CNKSR3: variants seen among roughly 807,000 people sequenced by gnomAD.
The protein encoded by CNKSR3 is CNKSR family member 3, also known as connector enhancer of kinase suppressor of ras 3.
CNKSR3 carries 36 observed loss-of-function variants against 67.7 expected under a neutral mutation model. The ratio of observed to expected loss-of-function variants is 0.53; its 90% CI spans 0.41 to 0.70. CNKSR3 has a LOEUF of 0.70. Ranked by LOEUF, CNKSR3 falls within the 30% of genes least tolerant of loss-of-function variation. CNKSR3 has a pLI of 0.00. For missense variants in CNKSR3, 630 were observed against 695.2 expected (o/e 0.91, Z 1.05); for synonymous variants, 281 against 271.4 (o/e 1.04, Z -0.35).
chr6:154,442,028 C>A (rs1273973520), intron 3 of CNKSR3, 60 bp downstream of exon 3: 9 of 1,432,398 alleles, frequency 6.3e-6, no homozygotes, highest in Non-Finnish European at 8.5e-6. Flanking sequence ...AGTACAGCTT[C>A]CATGCAGCTT....
Position 154,410,398 on chromosome 6 carries a change from C to G in CNKSR3, c.1314G>C (p.Gly438=). ...KPRPLSMPAD[G]NWMGIVDPFA... The stretch of plus-strand genomic sequence containing the variant: ...AAGGGTCCACAATCCCCATCCAGTT[C>G]CCATCAGCAGGCATGGACAAAGGCC... The change falls in exon 12 of 13, where the codon GGG becomes GGC. Residue 438 remains glycine (G), a synonymous_variant. Transcript: ENST00000607772. The G allele has an allele frequency of 1.9e-6, 3 of 1,614,062 alleles. No individual in the cohort carries two copies. Among genetic ancestry groups the G allele is most frequent in the Non-Finnish European group, 2.5e-6 (3 of 1,179,952 alleles).
chr6:154,419,977 G>C (rs1210621235), intron 9 of CNKSR3, among the ~76,000 whole-genome samples: 2 of 152,090 alleles, frequency 1.3e-5, no homozygotes, highest in Non-Finnish European at 2.9e-5. Context: ...CTACTCAGAG[G>C]AGGCTGAGAC....
intron 4 of CNKSR3, among the ~76,000 whole-genome samples, chr6:154,439,580 G>A (rs998615745): frequency 4.6e-5 from 7 of 152,226 alleles, no homozygotes; most frequent in Middle Eastern, 3.4e-3. Flanking sequence ...TTAATTGATC[G>A]CTAGTAAACT....
intron 1 of CNKSR3, among the ~76,000 whole-genome samples, chr6:154,460,216 TA>T (rs1786050043): frequency 6.6e-6 from 1 of 152,228 alleles, no homozygotes; most frequent in African/African-American, 2.4e-5. Context: ...ATGCAAATCT[TA>T]AGTCAACTGA....
At chr6:154,407,378 G>C (rs1004908013) in intron 12 of CNKSR3, among the ~76,000 whole-genome samples, 1 of 152,298 alleles carries the variant, frequency 6.6e-6, no homozygotes, top group Admixed American at 6.5e-5. Flanking sequence ...TTAAGAAACT[G>C]AATAGAAACT....
At chr6:154,506,825 C>T (rs1248636839) in intron 1 of CNKSR3, among the ~76,000 whole-genome samples, 2 of 152,240 alleles carry the variant, frequency 1.3e-5, no homozygotes, top group African/African-American at 4.8e-5. Flanking sequence ...AACTTTCTGA[C>T]ATGAACTAAA....
chr6:154,451,425 C>T (rs554293455), intron 1 of CNKSR3, among the ~76,000 whole-genome samples: 2 of 152,248 alleles, frequency 1.3e-5, no homozygotes, highest in Non-Finnish European at 2.9e-5. Context: ...CTCAATTTAA[C>T]GGGAAAAGTA....
At chr6:154,423,446 T>C (rs1025421949) in intron 7 of CNKSR3, among the ~76,000 whole-genome samples, 6 of 152,172 alleles carry the variant, frequency 3.9e-5, no homozygotes, top group Admixed American at 2.0e-4. Context: ...TTAGTAGAGA[T>C]GAGGTTTTAC....
chr6:154,429,628 T>C (rs1785324029), intron 6 of CNKSR3, among the ~76,000 whole-genome samples: 1 of 152,112 alleles, frequency 6.6e-6, no homozygotes, highest in African/African-American at 2.4e-5. Flanking sequence ...CTGTCAACAA[T>C]TGGTTGATTT....
intron 1 of CNKSR3, among the ~76,000 whole-genome samples, chr6:154,497,481 CG>C (rs1562358776): frequency 6.6e-6 from 1 of 152,152 alleles, no homozygotes; most frequent in Non-Finnish European, 1.5e-5. Flanking sequence ...CTTCCGGACA[CG>C]GATTTCATTT....
At chr6:154,508,800 G>C (rs1787153485) in intron 1 of CNKSR3, among the ~76,000 whole-genome samples, 1 of 152,174 alleles carries the variant, frequency 6.6e-6, no homozygotes, top group South Asian at 2.1e-4. Flanking sequence ...AGCAGGAAAT[G>C]GTCAGACATA....
chr6:154,496,346 G>T (rs867897079), intron 1 of CNKSR3, among the ~76,000 whole-genome samples: 2 of 151,746 alleles, frequency 1.3e-5, no homozygotes, highest in Non-Finnish European at 3.0e-5. Context: ...CACAACCCTG[G>T]AAAGACATGA....
At chr6:154,422,216 T>C (rs1342945445) in intron 9 of CNKSR3, among the ~76,000 whole-genome samples, 1 of 152,050 alleles carries the variant, frequency 6.6e-6, no homozygotes, top group African/African-American at 2.4e-5. Context: ...ATGGTCTCGA[T>C]CTCCTGACCT....
chr6:154,438,080 G>A (rs1170419096), intron 4 of CNKSR3, among the ~76,000 whole-genome samples: 2 of 152,136 alleles, frequency 1.3e-5, no homozygotes, highest in Non-Finnish European at 2.9e-5. Flanking sequence ...ACAGGCATGA[G>A]CCACCGCACC....
intron 1 of CNKSR3, among the ~76,000 whole-genome samples, chr6:154,465,200 CCATCTTCAGATCTGCAA>C (rs2114619204): frequency 6.7e-6 from 1 of 150,278 alleles, no homozygotes; most frequent in African/African-American, 2.4e-5. Context: ...ACAAGAGTTT[CCATCTTCAGATCTGCAA>C]AATTGACAGC....
At chr6:154,409,462 C>G (rs1487810312) in intron 12 of CNKSR3, among the ~76,000 whole-genome samples, 1 of 151,220 alleles carries the variant, frequency 6.6e-6, no homozygotes, top group Non-Finnish European at 1.5e-5. Context: ...TAACTGCCTT[C>G]TAACATAAGA....
rs559577630 is a variant in CNKSR3 at position 154,389,188 on chromosome 6, G to A, written c.*17166C>T. ...CAAGACCAATGTCAAAGAGCTTTTCGCCTATGTTTTCTTCTAGGAGTTTTA... is the reference window on the plus strand; with the variant it reads ...CAAGACCAATGTCAAAGAGCTTTTCACCTATGTTTTCTTCTAGGAGTTTTA... On this transcript the variant is annotated 3_prime_UTR_variant, in exon 13 of 13. Coordinates refer to ENST00000607772, the MANE Select transcript of CNKSR3 (RefSeq NM_173515.4). 11 of 152,116 alleles carry A rather than the reference G, an allele frequency of 7.2e-5. No individual in the cohort carries two copies. Among genetic ancestry groups the A allele is most frequent in the Admixed American group, 5.9e-4 (9 of 15,272 alleles). The allele number at this position is 152,116 out of a possible 1,614,324, so 9.4% of individuals were successfully genotyped here. A position where few individuals can be genotyped will look rare whatever the true frequency, so the allele number is the denominator to read the frequency against.
chr6:154,510,250 G>A lies in CNKSR3; in HGVS notation c.-136C>T. The A allele has an allele frequency of 5.5e-6, 5 of 914,124 alleles. No individual in the cohort carries two copies. The highest frequency in any genetic ancestry group is 3.0e-4 in the Middle Eastern group (1 of 3,338). The allele number at this position is 914,124 out of a possible 1,614,324, so 56.6% of individuals were successfully genotyped here. The stretch of plus-strand genomic sequence containing the variant: ...CGAGCGACTCCGTCAAGACTGCATG[G>A]CCGCGGTCAGCCAGTCGTCCCAGCG... On this transcript the variant is annotated 5_prime_UTR_variant, in exon 1 of 13. Coordinates refer to ENST00000607772, the MANE Select transcript of CNKSR3 (RefSeq NM_173515.4).
At chr6:154,422,693 A>G in intron 8 of CNKSR3, 41 bp from the exon 9 acceptor site, 2 of 1,607,694 alleles carry the variant, frequency 1.2e-6, no homozygotes, top group Non-Finnish European at 1.7e-6. Context: ...TTGCTCATGA[A>G]TAACGAAAAA....
Sources: allele counts gnomAD v4.1 joint callset (sites outside exome capture counted in the v4.1 genomes callset), GRCh38; gene constraint gnomAD v4.1.1; transcripts MANE v1.5; gene names NCBI Gene and HGNC (gene_info 2026-07-23, HGNC 2026-07-21).